The following USH2A variants were observed in gnomAD, a reference collection of about 807,000 sequenced individuals.
The protein encoded by USH2A is usherin, also known as Usher syndrome 2A (autosomal recessive, mild).
USH2A carries 443 observed loss-of-function variants against 538.9 expected under a neutral mutation model. The ratio of observed to expected loss-of-function variants is 0.82; its 90% CI spans 0.76 to 0.89. USH2A has a LOEUF of 0.89. USH2A is among the 40% of genes least tolerant of loss of function. The pLI, the probability that USH2A is intolerant of heterozygous loss-of-function variation, is 0.00. For missense variants in USH2A, 6,633 were observed against 6,324.8 expected (o/e 1.05, Z -1.65); for synonymous variants, 2,413 against 2,273.5 (o/e 1.06, Z -1.75).
intron 39 of USH2A, among the ~76,000 whole-genome samples, chr1:215,900,524 G>T (rs528214965): frequency 6.6e-6 from 1 of 152,166 alleles, no homozygotes; most frequent in Non-Finnish European, 1.5e-5. Flanking sequence ...TTTATGTAAT[G>T]CATGTGCTCA....
intron 20 of USH2A, among the ~76,000 whole-genome samples, chr1:216,189,078 G>A (rs780895446): frequency 1.3e-4 from 20 of 151,822 alleles, no homozygotes; most frequent in Non-Finnish European, 2.8e-4. Context: ...GTACAAGCTA[G>A]GTACTCCATC....
At chr1:216,159,571 C>CACACACAG (rs67390722) in intron 21 of USH2A, among the ~76,000 whole-genome samples, 52 of 145,244 alleles carry the variant, frequency 3.6e-4, no homozygotes, top group Non-Finnish European at 5.2e-4. Context: ...CACACACACA[C>CACACACAG]AGAGAATATT....
chr1:215,634,814 T>G (rs1656424750), intron 69 of USH2A, 111 bp from the exon 70 acceptor site: 18 of 1,574,112 alleles, frequency 1.1e-5, no homozygotes, highest in Non-Finnish European at 1.6e-5. Context: ...CAGAAAGCAG[T>G]TTGTCTCTTA....
chr1:215,736,583 A>G (rs1454797067), intron 60 of USH2A, among the ~76,000 whole-genome samples: 1 of 152,078 alleles, frequency 6.6e-6, no homozygotes, highest in East Asian at 1.9e-4. Context: ...TGGAAGAAAT[A>G]ATTAATGTGT....
chr1:215,976,168 C>T (rs989023292), intron 35 of USH2A, among the ~76,000 whole-genome samples: 1 of 152,114 alleles, frequency 6.6e-6, no homozygotes, highest in Non-Finnish European at 1.5e-5. Flanking sequence ...GATTTAGTAT[C>T]CTAAAACTTT....
intron 61 of USH2A, among the ~76,000 whole-genome samples, chr1:215,687,339 AAAG>A (rs1157887503): frequency 2.0e-5 from 3 of 151,904 alleles, no homozygotes; most frequent in African/African-American, 7.3e-5. Context: ...TACACTCAGA[AAAG>A]AAGAATGATA....
At chr1:215,887,203 A>G (rs1418140507) in intron 41 of USH2A, among the ~76,000 whole-genome samples, 1 of 152,198 alleles carries the variant, frequency 6.6e-6, no homozygotes, top group Non-Finnish European at 1.5e-5. Flanking sequence ...AGTAACGCCT[A>G]GTTATAAGAT....
At chr1:215,846,064 T>C (rs1251420623) in intron 44 of USH2A, 31 bp from the exon 45 acceptor site, 2 of 1,606,200 alleles carry the variant, frequency 1.2e-6, no homozygotes, top group African/African-American at 1.3e-5. Flanking sequence ...ACATGGTGAA[T>C]GTAGCTGAGG....
At chr1:215,953,486 G>A (rs1485387978) in intron 37 of USH2A, among the ~76,000 whole-genome samples, 1 of 152,124 alleles carries the variant, frequency 6.6e-6, no homozygotes, top group African/African-American at 2.4e-5. Context: ...TTTAATAAAT[G>A]GTGCTGGGAA....
chr1:216,014,616 T>A (rs1668663378), intron 32 of USH2A, among the ~76,000 whole-genome samples: 1 of 152,160 alleles, frequency 6.6e-6, no homozygotes, highest in Non-Finnish European at 1.5e-5. Flanking sequence ...AGCAACAACA[T>A]CTTGTTTTCC....
At chr1:215,846,100 T>C (rs1571743013) in intron 44 of USH2A, 67 bp from the exon 45 acceptor site, 2 of 1,456,858 alleles carry the variant, frequency 1.4e-6, no homozygotes, top group Non-Finnish European at 1.9e-6. Context: ...AAAAATTCTA[T>C]CATTAGCTTT....
chr1:216,082,325 G>A (rs112252029), intron 26 of USH2A, among the ~76,000 whole-genome samples: 6 of 94,380 alleles, frequency 6.4e-5, no homozygotes, highest in East Asian at 2.5e-4. Context: ...TAGACATTAC[G>A]TTTCAGAGAA....
At chr1:216,237,512 A>AG (rs1157067669) in intron 13 of USH2A, among the ~76,000 whole-genome samples, 1 of 151,042 alleles carries the variant, frequency 6.6e-6, no homozygotes. Flanking sequence ...AAAAAAAAAA[A>AG]AAGAAAGAAA....
intron 13 of USH2A, among the ~76,000 whole-genome samples, chr1:216,233,442 A>G (rs1482340362): frequency 2.6e-5 from 4 of 152,074 alleles, no homozygotes; most frequent in Admixed American, 2.6e-4. Flanking sequence ...GAAAATTATA[A>G]TCAATCTCAT....
chr1:215,695,777 A>G (rs1658788050), intron 61 of USH2A, among the ~76,000 whole-genome samples: 1 of 152,070 alleles, frequency 6.6e-6, no homozygotes, highest in Admixed American at 6.6e-5. Flanking sequence ...TTTTTGAGAC[A>G]GAGTCTCTCT....
At chr1:215,903,177 G>A (rs574391829) in intron 38 of USH2A, among the ~76,000 whole-genome samples, 7 of 152,180 alleles carry the variant, frequency 4.6e-5, no homozygotes, top group South Asian at 4.1e-4. Flanking sequence ...GTATCAACTC[G>A]GCTGAGAGTT....
At chr1:216,146,586 AG>A (rs1412686186) in intron 21 of USH2A, among the ~76,000 whole-genome samples, 2 of 151,912 alleles carry the variant, frequency 1.3e-5, no homozygotes, top group Non-Finnish European at 2.9e-5. Flanking sequence ...CCGCTTTCCT[AG>A]GGGGCAAGAA....
chr1:216,050,596 C>CT (rs1389939245), intron 30 of USH2A, among the ~76,000 whole-genome samples: 1 of 45,630 alleles, frequency 2.2e-5, no homozygotes, highest in Non-Finnish European at 5.5e-5. Flanking sequence ...TTCTTTCTTT[C>CT]TTTCTTTCTT....
At position 216,309,095 on chromosome 1, in the gene USH2A, C is replaced by T. The variant is rs138559072; in HGVS notation, c.1644+12788G>A. Among the ~76,000 whole-genome samples the T allele has an allele frequency of 2.7e-3, 415 of 152,226 alleles. 4 individuals are homozygous for T. The highest frequency in any genetic ancestry group is 9.5e-3 in the African/African-American group (393 of 41,526). The stretch of plus-strand genomic sequence containing the variant: ...CCATCATGCCTAGTCTGTTTCTAGA[C>T]GATTGTAAAACCTTCTATGAGACAG... On this transcript the variant is annotated intron_variant, in intron 9 of 71. Coordinates refer to ENST00000307340, the MANE Select transcript of USH2A (RefSeq NM_206933.4).
Sources: gnomAD v4.1 joint callset for allele counts (sites outside exome capture counted in the v4.1 genomes callset) on GRCh38, gnomAD v4.1.1 for gene constraint, MANE v1.5 for transcripts, NCBI Gene and HGNC (gene_info 2026-07-23, HGNC 2026-07-21) for gene names.